CXADR: variants seen among roughly 807,000 people sequenced by gnomAD.
CXADR encodes coxsackievirus and adenovirus receptor.
In CXADR, 20 loss-of-function variants were observed where a neutral mutation model predicts 40.3. The ratio of observed to expected loss-of-function variants is 0.50; its 90% CI spans 0.35 to 0.72. The LOEUF (loss-of-function observed/expected upper bound fraction) is 0.72. Ranked by LOEUF, CXADR falls within the 30% of genes least tolerant of loss-of-function variation. The probability of loss-of-function intolerance (pLI) is 0.01; values close to 1 mark genes in which losing one functional copy is unlikely to be tolerated. For synonymous variants in CXADR, 150 were observed against 161.3 expected, an observed-to-expected ratio of 0.93 and a Z score of 0.53; for missense variants, 332 against 449.1, an observed-to-expected ratio of 0.74 and a Z score of 2.36.
chr21:17,615,563 A>G, the CXADR span, among the ~76,000 whole-genome samples: 3 of 152,360 alleles, frequency 2.0e-5, no homozygotes, highest in Admixed American at 2.0e-4. Context: ...AGTTATGTGA[A>G]TGTATGCTCG....
At chr21:17,533,507 G>A (rs1033873472) in intron 1 of CXADR, among the ~76,000 whole-genome samples, 21 of 152,070 alleles carry the variant, frequency 1.4e-4, no homozygotes, top group African/African-American at 4.8e-4. Context: ...AGAATCAGTC[G>A]GCCTAGATTT....
At chr21:17,535,202 G>A (rs1011350170) in intron 1 of CXADR, among the ~76,000 whole-genome samples, 11 of 152,036 alleles carry the variant, frequency 7.2e-5, no homozygotes, top group African/African-American at 2.7e-4. Context: ...GTCATGGCTC[G>A]TTGCAGCCTC....
downstream of CXADR, among the ~76,000 whole-genome samples, chr21:17,571,612 G>A (rs1284896315): frequency 6.6e-6 from 1 of 152,132 alleles, no homozygotes; most frequent in African/African-American, 2.4e-5. Context: ...AATACCAACA[G>A]TGAAAAAATC....
downstream of CXADR, among the ~76,000 whole-genome samples, chr21:17,575,000 CATACATACAT>C (rs1287224707): frequency 0.013 from 122 of 9,160 alleles, 1 homozygote; most frequent in South Asian, 0.056. Flanking sequence ...TATACACACA[CATACATACAT>C]ACATACATAC....
chr21:17,595,573 T>C (rs1212030523), downstream of CXADR, among the ~76,000 whole-genome samples: 1 of 151,994 alleles, frequency 6.6e-6, no homozygotes, highest in East Asian at 1.9e-4. Flanking sequence ...TTCAGAAACA[T>C]ATCAATACAT....
At chr21:17,586,775 A>G (rs539036834) in intron 7 of CXADR, among the ~76,000 whole-genome samples, 3 of 152,124 alleles carry the variant, frequency 2.0e-5, no homozygotes, top group Non-Finnish European at 4.4e-5. Flanking sequence ...TTTAGGGTAC[A>G]TGTGCACAAC....
downstream of CXADR, among the ~76,000 whole-genome samples, chr21:17,570,420 A>G (rs190532930): frequency 1.3e-5 from 2 of 152,310 alleles, no homozygotes; most frequent in African/African-American, 4.8e-5. Flanking sequence ...ATGTGTGTAT[A>G]TATACACAGA....
downstream of CXADR, among the ~76,000 whole-genome samples, chr21:17,597,737 G>A (rs1369570413): frequency 7.6e-3 from 1 of 132 alleles, no homozygotes; most frequent in Non-Finnish European, 0.016. Flanking sequence ...AGAAAAAAAT[G>A]AGAAAACCAA....
chr21:17,586,624 C>T (rs915977980), intron 7 of CXADR, among the ~76,000 whole-genome samples: 1 of 151,424 alleles, frequency 6.6e-6, no homozygotes, highest in South Asian at 2.1e-4. Context: ...TCATAACTTA[C>T]GTGATTTCTT....
the CXADR span, among the ~76,000 whole-genome samples, chr21:17,627,517 G>A: frequency 6.5e-4 from 99 of 151,648 alleles, 2 homozygotes; most frequent in Middle Eastern, 3.6e-3. Flanking sequence ...TCATGCACCT[G>A]ACCTCACCAT....
chr21:17,588,263 C>G (rs1001595699), intron 7 of CXADR, among the ~76,000 whole-genome samples: 1 of 152,102 alleles, frequency 6.6e-6, no homozygotes, highest in Admixed American at 6.5e-5. Flanking sequence ...TTTTCCAATT[C>G]TGTGAAGAAA....
chr21:17,591,810 CTT>C (rs1258959826), intron 7 of CXADR, among the ~76,000 whole-genome samples: 2 of 151,804 alleles, frequency 1.3e-5, no homozygotes, highest in South Asian at 2.1e-4. Context: ...GGGAGACAAA[CTT>C]AAGAGAACAA....
Position 17,560,748 on chromosome 21 carries a change from C to G in CXADR, c.618C>G (p.Tyr206Ter). The stretch of plus-strand genomic sequence containing the variant: ...CTGTAAAAAATGCCTCTTCTGAGTA[C>G]TCTGGGACATACAGCTGTACAGTCA... ...VISVKNASSE[Y>*]SGTYSCTVRN... Residue 206 changes from tyrosine to a stop codon, truncating the protein, a stop_gained, in exon 5 of 7, where the codon TAC (tyrosine) becomes TAG (stop). Coordinates refer to ENST00000284878, the MANE Select transcript of CXADR (RefSeq NM_001338.5). LOFTEE classifies it high-confidence loss of function. 6.2e-7 allele frequency: 1 copy of G among 1,613,862 alleles called. No individual in the cohort carries two copies.
intron 1 of CXADR, chr21:17,518,646 A>G: frequency 2.5e-6 from 4 of 1,605,570 alleles, no homozygotes; most frequent in South Asian, 1.1e-5. Flanking sequence ...GGAACTGTTC[A>G]GCTAACTTCC....
At chr21:17,601,891 G>C in the CXADR span, among the ~76,000 whole-genome samples, 1 of 152,170 alleles carries the variant, frequency 6.6e-6, no homozygotes, top group Non-Finnish European at 1.5e-5. Context: ...AGATTTCTTT[G>C]ACACCTAGTT....
At chr21:17,604,932 C>T in the CXADR span, 1 of 1,614,198 alleles carries the variant, frequency 6.2e-7, no homozygotes, top group Non-Finnish European at 8.5e-7. Flanking sequence ...ATACAAGATG[C>T]AGCTGTTTTC....
chr21:17,519,402 A>C (rs559813816), intron 1 of CXADR, among the ~76,000 whole-genome samples: 1 of 152,344 alleles, frequency 6.6e-6, no homozygotes, highest in Non-Finnish European at 1.5e-5. Context: ...CATCTAATAA[A>C]GATGGTCCTT....
At chr21:17,630,441 C>A in the CXADR span, among the ~76,000 whole-genome samples, 2 of 152,148 alleles carry the variant, frequency 1.3e-5, no homozygotes, top group Non-Finnish European at 2.9e-5. Flanking sequence ...TTTAAAAATT[C>A]ATAATGCCAT....
At chr21:17,605,508 G>A in the CXADR span, among the ~76,000 whole-genome samples, 1 of 152,116 alleles carries the variant, frequency 6.6e-6, no homozygotes, top group Non-Finnish European at 1.5e-5. Context: ...TATAAATACA[G>A]GATAAGTGAA....
Sources: allele counts gnomAD v4.1 joint callset (sites outside exome capture counted in the v4.1 genomes callset), GRCh38; gene constraint gnomAD v4.1.1; transcripts MANE v1.5; gene names NCBI Gene and HGNC (gene_info 2026-07-23, HGNC 2026-07-21).